H3C12: variants seen among roughly 807,000 people sequenced by gnomAD.
The protein encoded by H3C12 is H3 clustered histone 12.
Under a neutral mutation model 7.0 loss-of-function variants are expected in H3C12, and 7 were observed. That is an observed-to-expected ratio of 1.00 (90% CI 0.57 to 1.87). H3C12 has a LOEUF of 1.87. Ranked by LOEUF, H3C12 falls within the 40% of genes most tolerant of loss-of-function variation. The probability of loss-of-function intolerance (pLI) is 0.00; values close to 1 mark genes in which losing one functional copy is unlikely to be tolerated. For missense variants in H3C12, 167 were observed against 191.4 expected, an observed-to-expected ratio of 0.87 and a Z score of 0.75; for synonymous variants, 100 against 78.5, an observed-to-expected ratio of 1.27 and a Z score of -1.45.
At position 27,890,505 on chromosome 6, in the gene H3C12, C is replaced by T. The variant is rs757812750; in HGVS notation, c.288G>A (p.Ala96=). The T allele has an allele frequency of 2.5e-6, 4 of 1,614,148 alleles. No individual in the cohort carries two copies. The highest frequency in any genetic ancestry group is 2.2e-5 in the South Asian group (2 of 91,092). Residue 96 remains alanine, a synonymous_variant, in exon 1 of 1, where the codon GCG becomes GCA. Transcript: ENST00000359303. Reference sequence around the variant, plus strand: ...AGAGACCCACCAGATAGGCCTCGCACGCCTCTTGCAGCGCCATCACCGCCG... The same window carrying T: ...AGAGACCCACCAGATAGGCCTCGCATGCCTCTTGCAGCGCCATCACCGCCG... ...QSSAVMALQE[A]CEAYLVGLFE...
In H3C12 at chr6:27,890,698, G is replaced by C. The variant is rs766861086; in HGVS notation, c.95C>G (p.Ala32Gly). 1 of 1,614,110 alleles carries C rather than the reference G, an allele frequency of 6.2e-7. No homozygotes were observed. Among genetic ancestry groups the C allele is most frequent in the Non-Finnish European group, 8.5e-7 (1 of 1,179,990 alleles). Reference sequence around the variant, plus strand: ...GTGGGGCTTCTTCACACCGCCAGTCGCTGGAGCGCTTTTGCGCGCTGCCTT... The same window carrying C: ...GTGGGGCTTCTTCACACCGCCAGTCCCTGGAGCGCTTTTGCGCGCTGCCTT... Reference protein sequence around the residue: ...ATKAARKSAPATGGVKKPHRY... With the variant: ...ATKAARKSAPGTGGVKKPHRY... The change falls in exon 1 of 1, where the codon GCG becomes GGG. Residue 32 changes from alanine (A) to glycine (G), a missense_variant. By Grantham distance (60) the Ala-to-Gly change is moderately conservative. Transcript: ENST00000359303.
In H3C12 at chr6:27,890,613, C is replaced by A; in HGVS notation, c.180G>T (p.Glu60Asp). ...REIRRYQKST[E>D]LLIRKLPFQR... is the part of the protein sequence containing the mutation. ...GAAATGGCAGTTTGCGGATGAGCAGCTCAGTCGACTTCTGATAACGGCGGA... is the reference window on the plus strand; with the variant it reads ...GAAATGGCAGTTTGCGGATGAGCAGATCAGTCGACTTCTGATAACGGCGGA... Residue 60 changes from glutamate (E) to aspartate (D), a missense_variant, in exon 1 of 1, where the codon GAG becomes GAT. By Grantham distance (45) the Glu-to-Asp change is conservative. Around this residue, in one of 2 missense-constraint regions of H3C12, gnomAD observed 121 missense variants for 112.5 expected, o/e 1.08. Transcript: ENST00000359303. The A allele has an allele frequency of 6.2e-7, 1 of 1,614,212 alleles. No individual in the cohort carries two copies. The highest frequency in any genetic ancestry group is 8.5e-7 in the Non-Finnish European group (1 of 1,180,008).
At position 27,890,356 on chromosome 6, in the gene H3C12, T is replaced by A. The variant is rs759804139; in HGVS notation, c.*26A>T. The A allele has an allele frequency of 6.6e-7, 1 of 1,525,372 alleles. No homozygotes were observed. The highest frequency in any genetic ancestry group is 8.8e-7 in the Non-Finnish European group (1 of 1,137,642). 94.5% of individuals were successfully genotyped at this position (1,525,372 alleles called of 1,614,324 possible). ...GAGCCTTTGGAAGCTTGGAAGCAAT[T>A]AAGAAACCCAAGATAGAGCAGGGGA... On this transcript the variant is annotated 3_prime_UTR_variant, in exon 1 of 1. Coordinates refer to ENST00000359303, the MANE Select transcript of H3C12 (RefSeq NM_003535.3).
Position 27,890,826 on chromosome 6 carries a change from T to A in H3C12, c.-34A>T. ...AAGCTATGCTCTGAAAGCAAGCAGC[T>A]GAATGAGCAGTGGCTTCTACCAGAA... On this transcript the variant is annotated 5_prime_UTR_variant, in exon 1 of 1. Transcript: ENST00000359303. 1.3e-6 allele frequency: 2 copies of A among 1,578,946 alleles called. No individual in the cohort carries two copies. Among genetic ancestry groups the A allele is most frequent in the South Asian group, 2.4e-5 (2 of 85,084 alleles).
chr6:27,890,480 A>G lies in H3C12; in HGVS notation c.313T>C (p.Phe105Leu), dbSNP rs1422016510. 3 of 1,614,150 alleles carry G rather than the reference A, an allele frequency of 1.9e-6. No homozygotes were observed. The African/African-American group carries it at 4.0e-5, about 22-fold the overall frequency. ...ATAGCACAGAGGTTGGTGTCTTCAA[A>G]GAGACCCACCAGATAGGCCTCGCAC... ...EACEAYLVGL[F>L]EDTNLCAIHA... The change falls in exon 1 of 1, where the codon TTT becomes CTT. Residue 105 changes from phenylalanine to leucine, a missense_variant. Phe to Leu is a conservative substitution (Grantham distance 22). Coordinates refer to ENST00000359303, the MANE Select transcript of H3C12 (RefSeq NM_003535.3).
Position 27,890,769 on chromosome 6 carries a change from A to G in H3C12, c.24T>C (p.Ala8=). 2 of 1,613,564 alleles carry G rather than the reference A, an allele frequency of 1.2e-6. No homozygotes were observed. The highest frequency in any genetic ancestry group is 1.7e-6 in the Non-Finnish European group (2 of 1,179,806). MARTKQT[A]RKSTGGKAPR... ...GTGCCTTGCCGCCGGTAGACTTGCG[A>G]GCTGTCTGCTTCGTCCGGGCCATAG... is the stretch of plus-strand genomic sequence containing the variant. The change falls in exon 1 of 1, where the codon GCT becomes GCC. Residue 8 remains alanine, a synonymous_variant. Coordinates refer to ENST00000359303, the MANE Select transcript of H3C12 (RefSeq NM_003535.3).
Position 27,890,408 on chromosome 6 carries a change from G to T in H3C12, c.385C>A (p.Arg129Ser), listed in dbSNP as rs1440965480. 6.3e-7 allele frequency: 1 copy of T among 1,594,500 alleles called. No homozygotes were observed. Residue 129 changes from arginine to serine, a missense_variant, in exon 1 of 1, where the codon CGT becomes AGT. Arg to Ser is a moderately radical substitution (Grantham distance 110). Coordinates refer to ENST00000359303, the MANE Select transcript of H3C12 (RefSeq NM_003535.3). Reference protein sequence around the residue: ...TIMPKDIQLARRIRGERA With the variant: ...TIMPKDIQLASRIRGERA ...TATGCTCGCTCGCCACGGATACGAC[G>T]CGCAAGCTGGATGTCCTTAGGCATA... is the stretch of plus-strand genomic sequence containing the variant.
In H3C12 at chr6:27,890,418, G is replaced by A. The variant is rs922296721; in HGVS notation, c.375C>T (p.Ile125=). ...CGCCACGGATACGACGCGCAAGCTG[G>A]ATGTCCTTAGGCATAATAGTGACAC... ...AKRVTIMPKD[I]QLARRIRGER... Residue 125 remains isoleucine, a synonymous_variant, in exon 1 of 1, where the codon ATC becomes ATT. Transcript: ENST00000359303. The A allele has an allele frequency of 6.2e-7, 1 of 1,600,592 alleles. No individual in the cohort carries two copies. Among genetic ancestry groups the A allele is most frequent in the Non-Finnish European group, 8.5e-7 (1 of 1,171,162 alleles).
rs1561947196 is a variant in H3C12 at position 27,890,367 on chromosome 6, A to C, written c.*15T>G. 1 of 1,545,092 alleles carries C rather than the reference A, an allele frequency of 6.5e-7. No homozygotes were observed. The highest frequency in any genetic ancestry group is 8.7e-7 in the Non-Finnish European group (1 of 1,146,346). On this transcript the variant is annotated 3_prime_UTR_variant, in exon 1 of 1. Coordinates refer to ENST00000359303, the MANE Select transcript of H3C12 (RefSeq NM_003535.3). ...AGCTTGGAAGCAATTAAGAAACCCA[A>C]GATAGAGCAGGGGATTATGCTCGCT...
chr6:27,890,552 T>C lies in H3C12; in HGVS notation c.241A>G (p.Thr81Ala). 2 of 1,614,212 alleles carry C rather than the reference T, an allele frequency of 1.2e-6. No individual in the cohort carries two copies. The highest frequency in any genetic ancestry group is 1.7e-6 in the Non-Finnish European group (2 of 1,180,034). ...LVREIAQDFK[T>A]DLRFQSSAVM... ...GCCGAGCTCTGGAAACGAAGGTCGGTTTTGAAATCCTGCGCGATTTCTCGC... is the reference window on the plus strand; with the variant it reads ...GCCGAGCTCTGGAAACGAAGGTCGGCTTTGAAATCCTGCGCGATTTCTCGC... Residue 81 changes from threonine (T) to alanine (A), a missense_variant, in exon 1 of 1, where the codon ACC becomes GCC. Coordinates refer to ENST00000359303, the MANE Select transcript of H3C12 (RefSeq NM_003535.3).
chr6:27,890,615 C>G lies in H3C12; in HGVS notation c.178G>C (p.Glu60Gln), dbSNP rs1761878838. 6.2e-7 allele frequency: 1 copy of G among 1,614,210 alleles called. No homozygotes were observed. The highest frequency in any genetic ancestry group is 8.5e-7 in the Non-Finnish European group (1 of 1,180,006). Residue 60 changes from glutamate (E) to glutamine (Q), a missense_variant, in exon 1 of 1, where the codon GAG (glutamate) becomes CAG (glutamine). Glu to Gln is a conservative substitution (Grantham distance 29, BLOSUM62 2). Around this residue, in one of 2 missense-constraint regions of H3C12, gnomAD observed 121 missense variants for 112.5 expected, o/e 1.08. Coordinates refer to ENST00000359303, the MANE Select transcript of H3C12 (RefSeq NM_003535.3). ...AATGGCAGTTTGCGGATGAGCAGCT[C>G]AGTCGACTTCTGATAACGGCGGATC... The part of the protein sequence containing the change: ...REIRRYQKST[E>Q]LLIRKLPFQR...
chr6:27,890,751 G>C lies in H3C12; in HGVS notation c.42C>G (p.Gly14=), dbSNP rs749033119. 1 of 1,613,716 alleles carries C rather than the reference G, an allele frequency of 6.2e-7. No homozygotes were observed. Among genetic ancestry groups the C allele is most frequent in the Non-Finnish European group, 8.5e-7 (1 of 1,179,892 alleles). Reference sequence around the variant, plus strand: ...TGGCCAGCTGCTTCCGCGGTGCCTTGCCGCCGGTAGACTTGCGAGCTGTCT... The same window carrying C: ...TGGCCAGCTGCTTCCGCGGTGCCTTCCCGCCGGTAGACTTGCGAGCTGTCT... The part of the protein sequence containing the change: ...TKQTARKSTG[G]KAPRKQLATK... The change falls in exon 1 of 1, where the codon GGC becomes GGG. Residue 14 remains glycine, a synonymous_variant. Transcript: ENST00000359303.
rs757621757 is a variant in H3C12 at position 27,890,378 on chromosome 6, G to A, written c.*4C>T. 3.8e-6 allele frequency: 6 copies of A among 1,561,038 alleles called. No homozygotes were observed. In the Admixed American group the frequency reaches 7.7e-5, roughly 20 times the overall value. On this transcript the variant is annotated 3_prime_UTR_variant, in exon 1 of 1. Coordinates refer to ENST00000359303, the MANE Select transcript of H3C12 (RefSeq NM_003535.3). ...AATTAAGAAACCCAAGATAGAGCAG[G>A]GGATTATGCTCGCTCGCCACGGATA... is the stretch of plus-strand genomic sequence containing the variant.
Position 27,890,493 on chromosome 6 carries a change from A to G in H3C12, c.300T>C (p.Tyr100=), listed in dbSNP as rs1174305136. 2 of 1,614,148 alleles carry G rather than the reference A, an allele frequency of 1.2e-6. No individual in the cohort carries two copies. The highest frequency in any genetic ancestry group is 1.7e-5 in the Admixed American group (1 of 60,010). The change falls in exon 1 of 1, where the codon TAT becomes TAC. Residue 100 remains tyrosine (Y), a synonymous_variant. Coordinates refer to ENST00000359303, the MANE Select transcript of H3C12 (RefSeq NM_003535.3). ...VMALQEACEA[Y]LVGLFEDTNL... ...TGGTGTCTTCAAAGAGACCCACCAG[A>G]TAGGCCTCGCACGCCTCTTGCAGCG...
chr6:27,890,416 T>C lies in H3C12; in HGVS notation c.377A>G (p.Gln126Arg), dbSNP rs1761874457. The C allele has an allele frequency of 2.5e-6, 4 of 1,599,642 alleles. No individual in the cohort carries two copies. Among genetic ancestry groups the C allele is most frequent in the Non-Finnish European group, 3.4e-6 (4 of 1,170,710 alleles). Residue 126 changes from glutamine (Q) to arginine (R), a missense_variant, in exon 1 of 1, where the codon CAG (glutamine) becomes CGG (arginine). Physicochemically the swap from Gln to Arg is conservative, Grantham distance 43. Coordinates refer to ENST00000359303, the MANE Select transcript of H3C12 (RefSeq NM_003535.3). ...KRVTIMPKDI[Q>R]LARRIRGERA ...CTCGCCACGGATACGACGCGCAAGC[T>C]GGATGTCCTTAGGCATAATAGTGAC...
In H3C12 at chr6:27,890,584, C is replaced by T. The variant is rs1761878045; in HGVS notation, c.209G>A (p.Arg70His). The change falls in exon 1 of 1, where the codon CGC becomes CAC. Residue 70 changes from arginine (R) to histidine (H), a missense_variant. This residue lies in a region of H3C12 where 121 missense variants were observed against 112.5 expected (regional missense o/e 1.08). Transcript: ENST00000359303. ...ATCCTGCGCGATTTCTCGCACCAGG[C>T]GCTGAAATGGCAGTTTGCGGATGAG... Reference protein sequence around the residue: ...ELLIRKLPFQRLVREIAQDFK... With the variant: ...ELLIRKLPFQHLVREIAQDFK... The T allele has an allele frequency of 1.9e-6, 3 of 1,614,084 alleles. No individual in the cohort carries two copies. The highest frequency in any genetic ancestry group is 2.5e-6 in the Non-Finnish European group (3 of 1,180,004).
In H3C12 at chr6:27,890,803, G is replaced by A. The variant is rs756851029; in HGVS notation, c.-11C>T. ...CTTCGTCCGGGCCATAGTTGAGAAA[G>A]CTATGCTCTGAAAGCAAGCAGCTGA... On this transcript the variant is annotated 5_prime_UTR_variant, in exon 1 of 1. Coordinates refer to ENST00000359303, the MANE Select transcript of H3C12 (RefSeq NM_003535.3). 2 of 1,599,462 alleles carry A rather than the reference G, an allele frequency of 1.3e-6. No homozygotes were observed. The highest frequency in any genetic ancestry group is 1.1e-5 in the South Asian group (1 of 88,772).
Position 27,890,580 on chromosome 6 carries a change from C to T in H3C12, c.213G>A (p.Leu71=). The change falls in exon 1 of 1, where the codon CTG becomes CTA. Residue 71 remains leucine (L), a synonymous_variant. Transcript: ENST00000359303. ...LLIRKLPFQR[L]VREIAQDFKT... ...TGAAATCCTGCGCGATTTCTCGCAC[C>T]AGGCGCTGAAATGGCAGTTTGCGGA... 2.5e-6 allele frequency: 4 copies of T among 1,614,218 alleles called. No individual in the cohort carries two copies. Among genetic ancestry groups the T allele is most frequent in the Non-Finnish European group, 3.4e-6 (4 of 1,180,020 alleles).
At position 27,890,514 on chromosome 6, in the gene H3C12, C is replaced by T. The variant is rs767862241; in HGVS notation, c.279G>A (p.Leu93=). The T allele has an allele frequency of 2.0e-5, 32 of 1,614,284 alleles. 2 individuals carry two copies. In the Middle Eastern group the frequency reaches 4.6e-3, roughly 233 times the overall value. Residue 93 remains leucine, a synonymous_variant, in exon 1 of 1, where the codon CTG becomes CTA. Coordinates refer to ENST00000359303, the MANE Select transcript of H3C12 (RefSeq NM_003535.3). ...CCAGATAGGCCTCGCACGCCTCTTG[C>T]AGCGCCATCACCGCCGAGCTCTGGA... is the stretch of plus-strand genomic sequence containing the variant. ...LRFQSSAVMA[L]QEACEAYLVG... is the part of the protein sequence containing the mutation.
Sources: gnomAD v4.1 joint callset for allele counts on GRCh38, gnomAD v4.1.1 for gene constraint, gnomAD v4.1.1 regional missense constraint, MANE v1.5 for transcripts, NCBI Gene and HGNC (gene_info 2026-07-23, HGNC 2026-07-21) for gene names.